FERMT2: variants seen among roughly 807,000 people sequenced by gnomAD.
The protein encoded by FERMT2 is FERM domain containing kindlin 2, also known as fermitin family homolog 2.
FERMT2 carries 15 observed loss-of-function variants against 82.7 expected under a neutral mutation model. The observed-to-expected ratio is 0.18, with a 90% CI of 0.12 to 0.28. FERMT2 has a LOEUF of 0.28. Among genes scored for constraint, FERMT2 ranks in the 10% least tolerant of loss-of-function variants. The pLI, the probability that FERMT2 is intolerant of heterozygous loss-of-function variation, is 1.00. For synonymous variants in FERMT2, 274 were observed against 271.5 expected, an observed-to-expected ratio of 1.01 and a Z score of -0.09; for missense variants, 645 against 809.4, an observed-to-expected ratio of 0.80 and a Z score of 2.46.
At chr14:52,919,745 G>A (rs1888844849) in intron 2 of FERMT2, among the ~76,000 whole-genome samples, 1 of 152,156 alleles carries the variant, frequency 6.6e-6, no homozygotes, top group Non-Finnish European at 1.5e-5. Flanking sequence ...ATTCTGATGA[G>A]AAACTGAACA....
In FERMT2 at chr14:52,872,928, G is replaced by T. The variant is rs1885716454; in HGVS notation, c.1149-5C>A. On this transcript the variant is annotated splice_polypyrimidine_tract_variant and splice_region_variant and intron_variant, in intron 9 of 14. Transcript: ENST00000341590. ...TTCAGAGTCAGCTTTTTTGGCCTAT[G>T]TATCAAAGAGAATTAACAACAAAAT... 1 of 1,611,860 alleles carries T rather than the reference G, an allele frequency of 6.2e-7. No homozygotes were observed. Among genetic ancestry groups the T allele is most frequent in the Non-Finnish European group, 8.5e-7 (1 of 1,179,058 alleles).
At chr14:52,871,619 G>C (rs775658431) in intron 10 of FERMT2, 1 of 152,268 alleles carries the variant, frequency 6.6e-6, no homozygotes, top group Admixed American at 6.5e-5. Flanking sequence ...AAAGGTGAAA[G>C]AGCAGTATGA....
chr14:52,939,129 T>C (rs1207088685), intron 2 of FERMT2, among the ~76,000 whole-genome samples: 1 of 135,898 alleles, frequency 7.4e-6, no homozygotes, highest in Non-Finnish European at 1.5e-5. Context: ...CAGAGGTGGG[T>C]GGATCACTTG....
chr14:52,857,298 A>G lies in FERMT2; in HGVS notation c.*1079T>C, dbSNP rs891079128. 5 of 152,676 alleles carry G rather than the reference A, an allele frequency of 3.3e-5. No homozygotes were observed. Among genetic ancestry groups the G allele is most frequent in the African/African-American group, 4.8e-5 (2 of 41,474 alleles). The allele number at this position is 152,676 out of a possible 1,614,324, so 9.5% of individuals were successfully genotyped here. Reference sequence around the variant, plus strand: ...TTAAATAAAAGTTTTGCTTTTATTTAAAATAAAATGCATTTATACAGTCTT... The same window carrying G: ...TTAAATAAAAGTTTTGCTTTTATTTGAAATAAAATGCATTTATACAGTCTT... On this transcript the variant is annotated 3_prime_UTR_variant, in exon 15 of 15. Coordinates refer to ENST00000341590, the MANE Select transcript of FERMT2 (RefSeq NM_006832.3).
intron 3 of FERMT2, among the ~76,000 whole-genome samples, chr14:52,900,547 G>A (rs1887562138): frequency 6.6e-6 from 1 of 151,900 alleles, no homozygotes; most frequent in African/African-American, 2.4e-5. Flanking sequence ...CCCCCAAAAT[G>A]GAAGAAAATA....
rs759690938 is a variant in FERMT2 at position 52,919,363 on chromosome 14, A to G, written c.158-7T>C. On this transcript the variant is annotated splice_region_variant and splice_polypyrimidine_tract_variant and intron_variant, in intron 2 of 14. Coordinates refer to ENST00000341590, the MANE Select transcript of FERMT2 (RefSeq NM_006832.3). The stretch of plus-strand genomic sequence containing the variant: ...GACCAATCTTTTTTTACATCTATAA[A>G]AAACAAACAATAAACAAATCACTTA... 2 of 1,565,596 alleles carry G rather than the reference A, an allele frequency of 1.3e-6. No individual in the cohort carries two copies. Among genetic ancestry groups the G allele is most frequent in the South Asian group, 2.3e-5 (2 of 86,460 alleles).
chr14:52,901,105 CAAAAAAAAAAA>C (rs71125146), intron 3 of FERMT2, among the ~76,000 whole-genome samples: 6 of 68,620 alleles, frequency 8.7e-5, no homozygotes, highest in African/African-American at 3.3e-4. Flanking sequence ...ACTAAAAATA[CAAAAAAAAAAA>C]AAAAAAAAAA....
chr14:52,928,510 A>T (rs1434080263), intron 2 of FERMT2: 2 of 152,300 alleles, frequency 1.3e-5, no homozygotes, highest in Non-Finnish European at 2.9e-5. Context: ...TCAGCAGACC[A>T]GAAAACGTCT....
chr14:52,863,306 A>G (rs1885067170), intron 12 of FERMT2: 1 of 146,868 alleles, frequency 6.8e-6, no homozygotes. Flanking sequence ...TATTATACTT[A>G]AAGTTAAGGA....
chr14:52,928,819 T>C (rs1396968102), intron 2 of FERMT2, among the ~76,000 whole-genome samples: 1 of 152,194 alleles, frequency 6.6e-6, no homozygotes, highest in Admixed American at 6.5e-5. Context: ...TTCTTAAATT[T>C]GTACCCAGAT....
chr14:52,860,611 T>C, intron 12 of FERMT2, 146 bp from the exon 13 acceptor site: 1 of 679,100 alleles, frequency 1.5e-6, no homozygotes, highest in Non-Finnish European at 2.4e-6. Context: ...AAGCTACATT[T>C]GGACACTGTA....
chr14:52,923,225 C>T (rs1019188184), intron 2 of FERMT2, among the ~76,000 whole-genome samples: 10 of 151,494 alleles, frequency 6.6e-5, no homozygotes, highest in African/African-American at 1.9e-4. Context: ...ATCCAAAGAA[C>T]AGTATTTTAC....
intron 14 of FERMT2, 124 bp from the exon 15 acceptor site, chr14:52,858,674 T>G (rs1594919213): frequency 5.8e-6 from 5 of 854,978 alleles, no homozygotes; most frequent in Non-Finnish European, 9.0e-6. Flanking sequence ...AAATGATCAG[T>G]CTGTCTAAAA....
At chr14:52,940,834 T>A (rs1431266076) in intron 2 of FERMT2, among the ~76,000 whole-genome samples, 1 of 152,136 alleles carries the variant, frequency 6.6e-6, no homozygotes, top group African/African-American at 2.4e-5. Context: ...ATTCTGACAG[T>A]AACAAGGGTA....
chr14:52,884,427 C>A (rs1277683810), intron 4 of FERMT2, among the ~76,000 whole-genome samples: 1 of 151,838 alleles, frequency 6.6e-6, no homozygotes, highest in Non-Finnish European at 1.5e-5. Flanking sequence ...CATGGTGAAA[C>A]CCCGCCTCTA....
chr14:52,915,391 G>A (rs537859632), intron 3 of FERMT2, among the ~76,000 whole-genome samples: 1 of 152,286 alleles, frequency 6.6e-6, no homozygotes, highest in East Asian at 1.9e-4. Flanking sequence ...TGAGGCTACA[G>A]ACATTCAAAT....
At chr14:52,884,485 T>A (rs1329512094) in intron 4 of FERMT2, among the ~76,000 whole-genome samples, 1 of 151,850 alleles carries the variant, frequency 6.6e-6, no homozygotes, top group Non-Finnish European at 1.5e-5. Context: ...CTGCCTGTAA[T>A]CCCAGCTACT....
At chr14:52,918,615 G>A (rs1223547837) in intron 3 of FERMT2, among the ~76,000 whole-genome samples, 8 of 152,192 alleles carry the variant, frequency 5.3e-5, no homozygotes, top group Admixed American at 4.6e-4. Flanking sequence ...CCTGTCATAT[G>A]ACATAACTGG....
intron 3 of FERMT2, among the ~76,000 whole-genome samples, chr14:52,913,715 A>AGTAGTAGTAGTAGTAGTAGTAG (rs1566746985): frequency 8.4e-6 from 1 of 118,668 alleles, no homozygotes; most frequent in Non-Finnish European, 1.8e-5. Context: ...AGTAGTAGTA[A>AGTAGTAGTAGTAGTAGTAGTAG]TGAAAGACCA....
Sources: allele counts gnomAD v4.1 joint callset (sites outside exome capture counted in the v4.1 genomes callset), GRCh38; gene constraint gnomAD v4.1.1; transcripts MANE v1.5; gene names NCBI Gene and HGNC (gene_info 2026-07-23, HGNC 2026-07-21).